Variants in COG5 observed in about 807,000 individuals in gnomAD.
The protein encoded by COG5 is conserved oligomeric Golgi complex subunit 5.
A neutral mutation model predicts 110.4 loss-of-function variants in COG5; 86 were observed. The ratio of observed to expected loss-of-function variants is 0.78; its 90% CI spans 0.65 to 0.93. The LOEUF (loss-of-function observed/expected upper bound fraction) is 0.93, where lower values mean the gene tolerates loss of function less well. Ranked by LOEUF, COG5 falls within the 40% of genes least tolerant of loss-of-function variation. The pLI, the probability that COG5 is intolerant of heterozygous loss-of-function variation, is 0.00. For missense variants in COG5, 1,077 were observed against 987.0 expected (o/e 1.09, Z -1.22); for synonymous variants, 360 against 334.6 (o/e 1.08, Z -0.83).
At chr7:107,506,332 GC>G (rs1798996742) in intron 6 of COG5, among the ~76,000 whole-genome samples, 1 of 152,146 alleles carries the variant, frequency 6.6e-6, no homozygotes, top group East Asian at 1.9e-4. Flanking sequence ...AATGGGCAGG[GC>G]CATAAAGCTC....
At chr7:107,325,655 A>C (rs984450631) in intron 10 of COG5, among the ~76,000 whole-genome samples, 5 of 147,802 alleles carry the variant, frequency 3.4e-5, no homozygotes, top group African/African-American at 1.2e-4. Flanking sequence ...AGTCTCAAGA[A>C]GCAAACAAAC....
intron 14 of COG5, among the ~76,000 whole-genome samples, chr7:107,274,993 T>G (rs1295017069): frequency 6.6e-6 from 1 of 152,148 alleles, no homozygotes; most frequent in African/African-American, 2.4e-5. Flanking sequence ...GGTCTCACTA[T>G]GTTGCCCCAG....
intron 6 of COG5, among the ~76,000 whole-genome samples, chr7:107,450,919 A>T (rs1443014197): frequency 6.6e-6 from 1 of 152,212 alleles, no homozygotes; most frequent in Non-Finnish European, 1.5e-5. Context: ...CATCCAGGGC[A>T]TCAAAGTAGA....
intron 6 of COG5, among the ~76,000 whole-genome samples, chr7:107,521,495 C>G (rs1318815243): frequency 6.6e-6 from 1 of 152,212 alleles, no homozygotes; most frequent in Non-Finnish European, 1.5e-5. Flanking sequence ...TGAATAGACT[C>G]TTCTCAAAAG....
At chr7:107,255,244 T>C (rs919453285) in intron 16 of COG5, among the ~76,000 whole-genome samples, 1 of 152,140 alleles carries the variant, frequency 6.6e-6, no homozygotes, top group Non-Finnish European at 1.5e-5. Flanking sequence ...TGATCATTGA[T>C]ACATATGCCA....
At chr7:107,366,263 A>G (rs1184580356) in intron 8 of COG5, among the ~76,000 whole-genome samples, 1 of 152,134 alleles carries the variant, frequency 6.6e-6, no homozygotes, top group Non-Finnish European at 1.5e-5. Flanking sequence ...ATGAAGTAAA[A>G]TGCAAAGATA....
At position 107,527,311 on chromosome 7, in the gene COG5, C is replaced by A. The variant is rs913372817; in HGVS notation, c.464G>T (p.Ser155Ile). The A allele has an allele frequency of 4.3e-6, 7 of 1,612,962 alleles. No homozygotes were observed. Among genetic ancestry groups the A allele is most frequent in the Non-Finnish European group, 5.9e-6 (7 of 1,179,616 alleles). ...LRRIIRILNL[S>I]KRLQGQLQGG... The stretch of plus-strand genomic sequence containing the variant: ...TTGCAGTTGTCCTTGGAGTCTCTTA[C>A]TGAGATTCAAGATACGAATAATCCT... Residue 155 changes from serine (S) to isoleucine (I), a missense_variant, in exon 6 of 22, where the codon AGT (serine) becomes ATT (isoleucine). By Grantham distance (142) the Ser-to-Ile change is moderately radical. Coordinates refer to ENST00000297135, the MANE Select transcript of COG5 (RefSeq NM_006348.5).
At chr7:107,475,603 C>A (rs528927334) in intron 6 of COG5, 8 of 351,020 alleles carry the variant, frequency 2.3e-5, no homozygotes, top group African/African-American at 1.5e-4. Context: ...TTATGTCCAA[C>A]AGAAAATATT....
At chr7:107,349,409 T>TC (rs1811925938) in intron 10 of COG5, among the ~76,000 whole-genome samples, 2 of 152,170 alleles carry the variant, frequency 1.3e-5, no homozygotes, top group Admixed American at 1.3e-4. Flanking sequence ...AATATGACTT[T>TC]TTTTTTTGAG....
chr7:107,221,857 TTC>T (rs1799953215), intron 19 of COG5, among the ~76,000 whole-genome samples: 1 of 152,210 alleles, frequency 6.6e-6, no homozygotes, highest in Admixed American at 6.5e-5. Context: ...CTGATTCTGT[TTC>T]TCTCTTATCT....
At chr7:107,246,192 T>TA (rs1316502177) in intron 17 of COG5, among the ~76,000 whole-genome samples, 1 of 152,162 alleles carries the variant, frequency 6.6e-6, no homozygotes, top group Non-Finnish European at 1.5e-5. Flanking sequence ...ACCCCTTCCT[T>TA]ACACCATACA....
chr7:107,546,181 G>A lies in COG5; in HGVS notation c.417+1930C>T, dbSNP rs1389746700. 3.4e-4 allele frequency among the ~76,000 whole-genome samples: 51 copies of A among 152,116 alleles called. 3 individuals are homozygous for A. The highest frequency in any genetic ancestry group is 3.3e-3 in the Admixed American group (51 of 15,268). ...AGTTTTAAAATGTCTTGAGACAAAT[G>A]ACACAACATACCGAAAGTTATGGGA... On this transcript the variant is annotated intron_variant, in intron 5 of 21. Transcript: ENST00000297135.
At chr7:107,223,140 A>T (rs1006215319) in intron 19 of COG5, among the ~76,000 whole-genome samples, 1 of 152,180 alleles carries the variant, frequency 6.6e-6, no homozygotes, top group Admixed American at 6.5e-5. Flanking sequence ...AGGCAGCAAG[A>T]CCACTAAGTA....
At chr7:107,339,085 T>A (rs1285126377) in intron 10 of COG5, among the ~76,000 whole-genome samples, 1 of 151,982 alleles carries the variant, frequency 6.6e-6, no homozygotes, top group South Asian at 2.1e-4. Context: ...GAATTGCAAA[T>A]TGGGTAAAAC....
At chr7:107,406,986 T>C (rs1791897335) in intron 7 of COG5, among the ~76,000 whole-genome samples, 1 of 152,212 alleles carries the variant, frequency 6.6e-6, no homozygotes, top group South Asian at 2.1e-4. Flanking sequence ...CAATTTTCTG[T>C]AGAAATATTC....
chr7:107,529,359 C>A (rs984520499), intron 5 of COG5, among the ~76,000 whole-genome samples: 16 of 152,176 alleles, frequency 1.1e-4, no homozygotes, highest in African/African-American at 3.9e-4. Flanking sequence ...AAATTGGCAG[C>A]CAGTGCCAGG....
intron 21 of COG5, chr7:107,209,208 T>C (rs988546169): frequency 5.1e-6 from 5 of 984,812 alleles, no homozygotes; most frequent in East Asian, 1.1e-4. Flanking sequence ...CCTGGGAGAG[T>C]TGAGAATGAC....
chr7:107,285,035 T>C (rs1314156129), intron 12 of COG5, among the ~76,000 whole-genome samples: 1 of 152,196 alleles, frequency 6.6e-6, no homozygotes, highest in Non-Finnish European at 1.5e-5. Flanking sequence ...ACATCATAAT[T>C]CCATAGTTAT....
chr7:107,238,459 CAT>C (rs1801368781), intron 17 of COG5, among the ~76,000 whole-genome samples: 1 of 149,016 alleles, frequency 6.7e-6, no homozygotes. Flanking sequence ...CTGCAATGAA[CAT>C]GGAAGTGCGT....
Sources: allele counts gnomAD v4.1 joint callset (sites outside exome capture counted in the v4.1 genomes callset), GRCh38; gene constraint gnomAD v4.1.1; transcripts MANE v1.5; gene names NCBI Gene and HGNC (gene_info 2026-07-23, HGNC 2026-07-21).